Variants in EFCAB5 observed in about 807,000 individuals in gnomAD.
EFCAB5 encodes EF-hand calcium-binding domain-containing protein 5.
In EFCAB5, 131 loss-of-function variants were observed where a neutral mutation model predicts 167.9. The ratio of observed to expected loss-of-function variants is 0.78; its 90% CI spans 0.68 to 0.90. EFCAB5 has a LOEUF of 0.90. EFCAB5 is among the 40% of genes least tolerant of loss of function. The pLI, the probability that EFCAB5 is intolerant of heterozygous loss-of-function variation, is 0.00. For missense variants in EFCAB5, 1,663 were observed against 1,745.2 expected, an observed-to-expected ratio of 0.95 and a Z score of 0.84; for synonymous variants, 574 against 602.8, an observed-to-expected ratio of 0.95 and a Z score of 0.70.
upstream of EFCAB5, among the ~76,000 whole-genome samples, chr17:29,937,379 G>T (rs1276762887): frequency 6.6e-6 from 1 of 151,974 alleles, no homozygotes; most frequent in Non-Finnish European, 1.5e-5. Flanking sequence ...TAGAGACGGG[G>T]TTTCACCATG....
intron 3 of EFCAB5, among the ~76,000 whole-genome samples, chr17:29,959,774 C>G (rs1314952030): frequency 6.6e-5 from 10 of 152,128 alleles, no homozygotes; most frequent in African/African-American, 2.4e-4. Flanking sequence ...GCCGAAGCTA[C>G]GAGCTGCACT....
chr17:29,929,979 G>A, intron 1 of EFCAB5: 1 of 1,603,482 alleles, frequency 6.2e-7, no homozygotes, highest in Admixed American at 1.7e-5. Flanking sequence ...GTAGGTGACC[G>A]CTGGACCGTG....
Position 29,986,637 on chromosome 17 carries a change from A to ATTT in EFCAB5, c.768-6501_768-6499dup, listed in dbSNP as rs911310972. ...ATGCCTCAATTATAGGAGTATATTC[A>ATTT]TTTTTTTTTTTTTTTTTTTTTTTTT... On this transcript the variant is annotated intron_variant, in intron 4 of 22. Coordinates refer to ENST00000394835, the MANE Select transcript of EFCAB5 (RefSeq NM_198529.4). Among the ~76,000 whole-genome samples the ATTT allele has an allele frequency of 9.6e-3, 557 of 58,078 alleles. 139 individuals carry two copies. Among genetic ancestry groups the ATTT allele is most frequent in the African/African-American group, 0.019 (275 of 14,266 alleles). 38.1% of individuals were successfully genotyped at this position (58,078 alleles called of 152,430 possible).
intron 1 of EFCAB5, among the ~76,000 whole-genome samples, chr17:29,930,555 A>C (rs2067176903): frequency 6.6e-6 from 1 of 152,038 alleles, no homozygotes; most frequent in Admixed American, 6.6e-5. Flanking sequence ...AAAAAAAAGC[A>C]GCTGAGATGA....
intron 8 of EFCAB5, among the ~76,000 whole-genome samples, chr17:30,048,499 T>C (rs1324001376): frequency 6.6e-6 from 1 of 151,568 alleles, no homozygotes; most frequent in Non-Finnish European, 1.5e-5. Flanking sequence ...TTCTTTTTTT[T>C]TTTTTTCTTT....
chr17:30,006,483 AT>A (rs926312122), intron 7 of EFCAB5, among the ~76,000 whole-genome samples: 6 of 152,140 alleles, frequency 3.9e-5, no homozygotes, highest in Admixed American at 2.0e-4. Flanking sequence ...ATCTAACTTA[AT>A]TTTTTCCCCC....
intron 7 of EFCAB5, among the ~76,000 whole-genome samples, chr17:30,022,932 T>A (rs1326974238): frequency 6.6e-6 from 1 of 151,964 alleles, no homozygotes; most frequent in African/African-American, 2.4e-5. Context: ...GAATGACTAC[T>A]GGGTACATAA....
chr17:30,085,719 CAAAA>C (rs60700223), intron 18 of EFCAB5, among the ~76,000 whole-genome samples: 1 of 125,474 alleles, frequency 8.0e-6, no homozygotes, highest in African/African-American at 3.1e-5. Flanking sequence ...GACTCCGTCT[CAAAA>C]AAAAAAAAAA....
At chr17:30,085,706 C>A (rs1169834913) in intron 18 of EFCAB5, among the ~76,000 whole-genome samples, 2 of 134,670 alleles carry the variant, frequency 1.5e-5, no homozygotes, top group Non-Finnish European at 1.5e-5. Context: ...GGCGACACAG[C>A]GAGACTCCGT....
chr17:30,011,972 C>G (rs1597665201), intron 7 of EFCAB5, among the ~76,000 whole-genome samples: 1 of 152,116 alleles, frequency 6.6e-6, no homozygotes, highest in African/African-American at 2.4e-5. Context: ...AATCCTCGCT[C>G]TATAATCATA....
chr17:30,069,870 C>A (rs934422630), intron 14 of EFCAB5, among the ~76,000 whole-genome samples: 4 of 152,200 alleles, frequency 2.6e-5, no homozygotes, highest in African/African-American at 9.7e-5. Flanking sequence ...ACACTGCACA[C>A]CAATGGGAAG....
At chr17:29,954,300 G>T (rs918550973) in intron 3 of EFCAB5, among the ~76,000 whole-genome samples, 1 of 152,160 alleles carries the variant, frequency 6.6e-6, no homozygotes, top group Non-Finnish European at 1.5e-5. Context: ...TCCCATCACA[G>T]GTCCAGAGGC....
At chr17:30,083,444 A>G (rs1028173354) in intron 18 of EFCAB5, among the ~76,000 whole-genome samples, 9 of 152,270 alleles carry the variant, frequency 5.9e-5, no homozygotes, top group Admixed American at 4.6e-4. Context: ...ATCCTGTAAA[A>G]AGTTCCAGTT....
At chr17:29,936,773 C>T (rs1322724301), upstream of EFCAB5, among the ~76,000 whole-genome samples, 11 of 152,220 alleles carry the variant, frequency 7.2e-5, no homozygotes, top group Admixed American at 1.3e-4. Flanking sequence ...CTACTTCCTG[C>T]TCCTCGGATA....
intron 1 of EFCAB5, among the ~76,000 whole-genome samples, chr17:29,935,145 G>T (rs1482706307): frequency 6.6e-6 from 1 of 152,140 alleles, no homozygotes; most frequent in Non-Finnish European, 1.5e-5. Context: ...AGAGCTGAGA[G>T]CAACTGCAGT....
At chr17:30,036,173 A>G (rs2069612814) in intron 8 of EFCAB5, among the ~76,000 whole-genome samples, 1 of 142,154 alleles carries the variant, frequency 7.0e-6, no homozygotes, top group Admixed American at 7.4e-5. Context: ...ATATAATATA[A>G]TATATGTATG....
intron 4 of EFCAB5, among the ~76,000 whole-genome samples, chr17:29,986,883 G>A (rs1345805874): frequency 4.6e-5 from 7 of 151,890 alleles, no homozygotes; most frequent in South Asian, 2.1e-4. Flanking sequence ...TCCTGACCTC[G>A]TGATCCGCCC....
intron 3 of EFCAB5, among the ~76,000 whole-genome samples, chr17:29,945,355 CAACT>C (rs1251844448): frequency 2.0e-5 from 3 of 150,934 alleles, no homozygotes; most frequent in Admixed American, 1.3e-4. Flanking sequence ...CTTTTTAAAC[CAACT>C]AAGAGTAATT....
At chr17:30,042,247 G>C (rs2069794497) in intron 8 of EFCAB5, among the ~76,000 whole-genome samples, 1 of 152,154 alleles carries the variant, frequency 6.6e-6, no homozygotes, top group Admixed American at 6.5e-5. Flanking sequence ...GACCTCAGGT[G>C]ACCCAAGTGC....
Sources: allele counts gnomAD v4.1 joint callset (sites outside exome capture counted in the v4.1 genomes callset), GRCh38; gene constraint gnomAD v4.1.1; transcripts MANE v1.5; gene names NCBI Gene and HGNC (gene_info 2026-07-23, HGNC 2026-07-21).